Variants in CTNNA3 observed in about 807,000 individuals in gnomAD.
CTNNA3 encodes catenin alpha-3.
In CTNNA3, 76 loss-of-function variants were observed where a neutral mutation model predicts 95.7. The ratio of observed to expected loss-of-function variants is 0.79; its 90% CI spans 0.66 to 0.96. CTNNA3 has a LOEUF of 0.96. Ranked by LOEUF, CTNNA3 falls within the 40% of genes least tolerant of loss-of-function variation. CTNNA3 has a pLI of 0.00. For missense variants in CTNNA3, 1,191 were observed against 1,089.8 expected, an observed-to-expected ratio of 1.09 and a Z score of -1.31; for synonymous variants, 431 against 374.4, an observed-to-expected ratio of 1.15 and a Z score of -1.74.
chr10:66,895,486 G>A (rs1409357440), intron 7 of CTNNA3, among the ~76,000 whole-genome samples: 1 of 152,048 alleles, frequency 6.6e-6, no homozygotes, highest in African/African-American at 2.4e-5. Flanking sequence ...AATATAAAAT[G>A]TTCTTTCACA....
chr10:66,811,570 T>C (rs141211970), intron 7 of CTNNA3, among the ~76,000 whole-genome samples: 44 of 152,294 alleles, frequency 2.9e-4, no homozygotes, highest in African/African-American at 9.9e-4. Flanking sequence ...AGAATTAGTC[T>C]GGACATAGCA....
At chr10:66,969,265 C>G (rs1021119865) in intron 7 of CTNNA3, among the ~76,000 whole-genome samples, 3 of 151,998 alleles carry the variant, frequency 2.0e-5, no homozygotes, top group African/African-American at 7.3e-5. Context: ...TGAAATGATA[C>G]TGTATATCAA....
At chr10:67,449,346 T>C (rs1229153825) in intron 5 of CTNNA3, among the ~76,000 whole-genome samples, 4 of 152,054 alleles carry the variant, frequency 2.6e-5, no homozygotes, top group Admixed American at 6.6e-5. Context: ...AAAATTCATA[T>C]GGAACCAAAA....
intron 2 of CTNNA3, among the ~76,000 whole-genome samples, chr10:67,607,596 G>A (rs1310757785): frequency 2.0e-5 from 3 of 152,072 alleles, no homozygotes; most frequent in Non-Finnish European, 2.9e-5. Flanking sequence ...AAAAAAATCT[G>A]ATTAAAAGTG....
intron 5 of CTNNA3, among the ~76,000 whole-genome samples, chr10:67,286,473 C>T (rs554041441): frequency 6.6e-6 from 1 of 152,294 alleles, no homozygotes; most frequent in Admixed American, 6.5e-5. Context: ...TATTACCTAC[C>T]TCACAGGGTT....
intron 11 of CTNNA3, among the ~76,000 whole-genome samples, chr10:66,444,894 T>A (rs950003894): frequency 2.0e-5 from 3 of 151,632 alleles, no homozygotes; most frequent in Non-Finnish European, 2.9e-5. Context: ...GGATAAAGAG[T>A]CAAGACCCAT....
At chr10:67,583,821 G>A (rs1034530219) in intron 3 of CTNNA3, among the ~76,000 whole-genome samples, 1 of 152,026 alleles carries the variant, frequency 6.6e-6, no homozygotes, top group African/African-American at 2.4e-5. Context: ...ATCTTCAATC[G>A]CTGATACCCT....
intron 13 of CTNNA3, among the ~76,000 whole-genome samples, chr10:66,134,012 T>C (rs1030151904): frequency 1.3e-5 from 2 of 152,122 alleles, no homozygotes; most frequent in Non-Finnish European, 2.9e-5. Context: ...AATAAAAGAT[T>C]GATAAATTCA....
At chr10:67,034,316 C>T (rs1023605608) in intron 7 of CTNNA3, among the ~76,000 whole-genome samples, 1 of 152,170 alleles carries the variant, frequency 6.6e-6, no homozygotes, top group African/African-American at 2.4e-5. Flanking sequence ...ATTCAACAAG[C>T]ACAAATCAAG....
chr10:66,861,700 T>G (rs1843934963), intron 7 of CTNNA3, among the ~76,000 whole-genome samples: 1 of 152,240 alleles, frequency 6.6e-6, no homozygotes, highest in Admixed American at 6.5e-5. Context: ...TTGTTTGTTT[T>G]TGAGCTGTGT....
chr10:67,718,059 A>G (rs11819006), intron 1 of CTNNA3, among the ~76,000 whole-genome samples: 19,001 of 152,082 alleles, frequency 0.12, 1,767 homozygotes, highest in African/African-American at 0.27. Context: ...GTATTCCTAG[A>G]TATTTCATTC....
At chr10:67,080,097 G>T (rs1856973165) in intron 7 of CTNNA3, among the ~76,000 whole-genome samples, 1 of 152,110 alleles carries the variant, frequency 6.6e-6, no homozygotes, top group Non-Finnish European at 1.5e-5. Context: ...GGAGGGCATG[G>T]CAAGAAGAAC....
At chr10:67,023,508 C>G (rs1015607941) in intron 7 of CTNNA3, among the ~76,000 whole-genome samples, 6 of 152,114 alleles carry the variant, frequency 3.9e-5, no homozygotes, top group Non-Finnish European at 8.8e-5. Flanking sequence ...AATAGAATAG[C>G]TCTAACTTAA....
In CTNNA3 at chr10:66,925,098, A is replaced by G. The variant is rs569597601; in HGVS notation, c.1048-149574T>C. On this transcript the variant is annotated intron_variant, in intron 7 of 17. Coordinates refer to ENST00000433211, the MANE Select transcript of CTNNA3 (RefSeq NM_013266.4). The stretch of plus-strand genomic sequence containing the variant: ...TTTTCACTGACTTCTTTTTTAAATG[A>G]AGATAACAATGTTGTTGAACAGGAT... Among the ~76,000 whole-genome samples the G allele has an allele frequency of 2.4e-3, 359 of 152,322 alleles. 7 individuals carry two copies. The highest frequency in any genetic ancestry group is 6.8e-3 in the Middle Eastern group (2 of 294).
chr10:66,412,355 G>A (rs1403416871), intron 11 of CTNNA3, among the ~76,000 whole-genome samples: 2 of 151,998 alleles, frequency 1.3e-5, no homozygotes, highest in Admixed American at 6.6e-5. Flanking sequence ...AGGCCACAAG[G>A]TTGAGAGGCC....
intron 7 of CTNNA3, among the ~76,000 whole-genome samples, chr10:67,108,685 T>G (rs1401170786): frequency 6.6e-6 from 1 of 152,160 alleles, no homozygotes; most frequent in East Asian, 1.9e-4. Context: ...GGTTTGCCAT[T>G]TATAAAACTC....
intron 9 of CTNNA3, among the ~76,000 whole-genome samples, chr10:66,697,985 C>T (rs1245609462): frequency 5.3e-5 from 8 of 152,076 alleles, no homozygotes; most frequent in African/African-American, 1.9e-4. Context: ...GGTGACTATT[C>T]TGACTGCCAT....
chr10:66,172,350 T>G (rs1194858177), intron 13 of CTNNA3, among the ~76,000 whole-genome samples: 1 of 152,186 alleles, frequency 6.6e-6, no homozygotes, highest in Non-Finnish European at 1.5e-5. Flanking sequence ...TTACAAAACT[T>G]AATTTAGTAT....
intron 10 of CTNNA3, among the ~76,000 whole-genome samples, chr10:66,548,931 T>C (rs530035629): frequency 1.3e-5 from 2 of 151,460 alleles, no homozygotes; most frequent in Non-Finnish European, 2.9e-5. Context: ...AATGGAAAGG[T>C]TTTGCTATTA....
Sources: allele counts gnomAD v4.1 joint callset (sites outside exome capture counted in the v4.1 genomes callset), GRCh38; gene constraint gnomAD v4.1.1; transcripts MANE v1.5; gene names NCBI Gene and HGNC (gene_info 2026-07-23, HGNC 2026-07-21).